The following GALNT9 variants were observed in gnomAD, a reference collection of about 807,000 sequenced individuals.
The protein encoded by GALNT9 is polypeptide N-acetylgalactosaminyltransferase 9, also known as GalNAc transferase 9.
Under a neutral mutation model 63.1 loss-of-function variants are expected in GALNT9, and 47 were observed. The ratio of observed to expected loss-of-function variants is 0.75; its 90% confidence interval spans 0.59 to 0.95. The LOEUF (loss-of-function observed/expected upper bound fraction) is 0.95, where lower values mean the gene tolerates loss of function less well. Ranked by LOEUF, GALNT9 falls within the 40% of genes least tolerant of loss-of-function variation. The pLI, the probability that GALNT9 is intolerant of heterozygous loss-of-function variation, is 0.00. For missense variants in GALNT9, 829 were observed against 874.8 expected (o/e 0.95, Z 0.66); for synonymous variants, 396 against 365.7 (o/e 1.08, Z -0.94).
In GALNT9 at chr12:132,329,417, C is replaced by A; in HGVS notation, c.-214G>T. 2.0e-6 allele frequency: 1 copy of A among 493,204 alleles called. No individual in the cohort carries two copies. The highest frequency in any genetic ancestry group is 3.0e-6 in the Non-Finnish European group (1 of 338,394). 30.6% of individuals were successfully genotyped at this position (493,204 alleles called of 1,614,324 possible). A position where few individuals can be genotyped will look rare whatever the true frequency, so the allele number is the denominator to read the frequency against. On this transcript the variant is annotated 5_prime_UTR_variant, in exon 1 of 11. Transcript: ENST00000328957. ...GCAGAGGGCTGCCCGGGGCTGGGGT[C>A]GCGGGGCGCGGCCGGCATCCCCCGC...
At position 132,329,255 on chromosome 12, in the gene GALNT9, C is replaced by T; in HGVS notation, c.-52G>A. The stretch of plus-strand genomic sequence containing the variant: ...CCGCGGGGCATCCCCAGCATCCCCG[C>T]CCGGGCCTGGGCTTCAGCTTCGGCT... On this transcript the variant is annotated 5_prime_UTR_variant, in exon 1 of 11. Transcript: ENST00000328957. 1 of 1,517,608 alleles carries T rather than the reference C, an allele frequency of 6.6e-7. No individual in the cohort carries two copies. The highest frequency in any genetic ancestry group is 1.2e-5 in the South Asian group (1 of 80,086). The allele number at this position is 1,517,608 out of a possible 1,614,324, so 94.0% of individuals were successfully genotyped here. A position where few individuals can be genotyped will look rare whatever the true frequency, so the allele number is the denominator to read the frequency against.
At chr12:132,256,673 G>GGGGGGACGCTGGA (rs1879131282) in intron 5 of GALNT9, among the ~76,000 whole-genome samples, 1 of 115,188 alleles carries the variant, frequency 8.7e-6, no homozygotes, top group African/African-American at 3.3e-5. Context: ...GGACGCTGGA[G>GGGGGGACGCTGGA]GGGGGACACT....
chr12:132,305,454 GCCTGACCTGGGCACA>G (rs1881562663), intron 1 of GALNT9, among the ~76,000 whole-genome samples: 1 of 29,282 alleles, frequency 3.4e-5, no homozygotes, highest in African/African-American at 2.2e-4. Flanking sequence ...CCCAGACACA[GCCTGACCTGGGCACA>G]CCCTCACCCG....
At chr12:132,303,632 A>C (rs1423489727) in intron 1 of GALNT9, among the ~76,000 whole-genome samples, 10 of 5,006 alleles carry the variant, frequency 2.0e-3, no homozygotes, top group East Asian at 0.013. Context: ...CGGGCACAGA[A>C]TCGCCCAGAC....
intron 1 of GALNT9, among the ~76,000 whole-genome samples, chr12:132,293,646 T>G (rs782220085): frequency 1.3e-5 from 2 of 152,180 alleles, no homozygotes; most frequent in Non-Finnish European, 2.9e-5. Flanking sequence ...GTAGGGACCC[T>G]GTGTACAGTC....
chr12:132,329,384 C>T lies in GALNT9; in HGVS notation c.-181G>A, dbSNP rs1385223526. Reference sequence around the variant, plus strand: ...GCCGGGCCACGGCCGCCGGGGGTCCCCCAGAGCGCAGAGGGCTGCCCGGGG... The same window carrying T: ...GCCGGGCCACGGCCGCCGGGGGTCCTCCAGAGCGCAGAGGGCTGCCCGGGG... On this transcript the variant is annotated 5_prime_UTR_variant, in exon 1 of 11. Transcript: ENST00000328957. 1.2e-5 allele frequency: 11 copies of T among 931,018 alleles called. No individual in the cohort carries two copies. Among genetic ancestry groups the T allele is most frequent in the Non-Finnish European group, 1.3e-5 (9 of 688,922 alleles). 57.7% of individuals were successfully genotyped at this position (931,018 alleles called of 1,614,324 possible).
intron 2 of GALNT9, among the ~76,000 whole-genome samples, chr12:132,269,124 C>A (rs1228621996): frequency 6.6e-6 from 1 of 152,236 alleles, no homozygotes; most frequent in Non-Finnish European, 1.5e-5. Flanking sequence ...AACCTCGGAG[C>A]TCCGCAAAGG....
rs1327832037 is a variant in GALNT9, at chr12:132,230,544, G to A, written c.1077+17366C>T. Among the ~76,000 whole-genome samples the A allele has an allele frequency of 4.6e-5, 7 of 151,582 alleles. No individual in the cohort carries two copies. The East Asian group carries it at 9.7e-4, about 21-fold the overall frequency. ...GCCAAGGCCACGCTGCCTGGCCCTC[G>A]TGGCGGGGGAGTCCTGTTAATCTGT... On this transcript the variant is annotated intron_variant, in intron 6 of 10. Transcript: ENST00000328957.
intron 5 of GALNT9, among the ~76,000 whole-genome samples, chr12:132,248,894 G>GGTGAAGGCAGGATCCGCGGAGCA (rs1178362814): frequency 6.6e-6 from 1 of 152,242 alleles, no homozygotes; most frequent in Non-Finnish European, 1.5e-5. Flanking sequence ...GGACAGCAGT[G>GGTGAAGGCAGGATCCGCGGAGCA]GTGAAGGCAG....
intron 7 of GALNT9, among the ~76,000 whole-genome samples, chr12:132,202,360 G>A (rs1876215200): frequency 6.6e-6 from 1 of 152,168 alleles, no homozygotes; most frequent in Non-Finnish European, 1.5e-5. Flanking sequence ...TCTCAGACAC[G>A]AGTGCACGTG....
chr12:132,269,869 G>A (rs1293455377), intron 2 of GALNT9, among the ~76,000 whole-genome samples: 6 of 152,202 alleles, frequency 3.9e-5, no homozygotes, highest in Non-Finnish European at 7.3e-5. Flanking sequence ...GGAGATGGGC[G>A]CACGGGATCA....
rs1555240115 is a variant in GALNT9, at chr12:132,265,523, GGTA to G, written c.420-2901_420-2899del. On this transcript the variant is annotated intron_variant, in intron 2 of 10. Transcript: ENST00000328957. This position sits in a 1 kb window ranked among gnomAD's most constrained non-coding sequence, Gnocchi z 5.3. ...CCTGAGATGAGCTTGAGGCAGGATC[GGTA>G]GGATGAGGAGGCCACACTGACGTCC... is the stretch of plus-strand genomic sequence containing the variant. Among the ~76,000 whole-genome samples, 1 of 152,180 alleles carries G rather than the reference GGTA, an allele frequency of 6.6e-6. No individual in the cohort carries two copies. Among genetic ancestry groups the G allele is most frequent in the African/African-American group, 2.4e-5 (1 of 41,442 alleles).
Position 132,265,307 on chromosome 12 carries a change from G to C in GALNT9, c.420-2682C>G, listed in dbSNP as rs782318795. On this transcript the variant is annotated intron_variant, in intron 2 of 10. Coordinates refer to ENST00000328957, the MANE Select transcript of GALNT9 (RefSeq NM_001122636.2). The surrounding 1 kb of genome is among the most constrained non-coding windows in gnomAD (Gnocchi z 5.3). The stretch of plus-strand genomic sequence containing the variant: ...GACGGCTGGACCGGTCCTCCCCGTG[G>C]AAGCCTTTCCTTCCGTGGTGGGCTG... Among the ~76,000 whole-genome samples the C allele has an allele frequency of 7.6e-4, 115 of 152,308 alleles. No homozygotes were observed. The highest frequency in any genetic ancestry group is 3.4e-3 in the Middle Eastern group (1 of 294).
Position 132,245,683 on chromosome 12 carries a change from C to A in GALNT9, c.1077+2227G>T, listed in dbSNP as rs1878682564. Reference sequence around the variant, plus strand: ...CCGGCCTGCTGACCCTCGCCCACCACACAGGTTCGCTGTCGTCCCGGCTTT... The same window carrying A: ...CCGGCCTGCTGACCCTCGCCCACCAAACAGGTTCGCTGTCGTCCCGGCTTT... On this transcript the variant is annotated intron_variant, in intron 6 of 10. Transcript: ENST00000328957. This position sits in a 1 kb window ranked among gnomAD's most constrained non-coding sequence, Gnocchi z 6.3. Among the ~76,000 whole-genome samples, 1 of 152,258 alleles carries A rather than the reference C, an allele frequency of 6.6e-6. No individual in the cohort carries two copies.
intron 6 of GALNT9, among the ~76,000 whole-genome samples, chr12:132,227,089 T>C (rs1378691286): frequency 2.0e-5 from 3 of 152,140 alleles, no homozygotes; most frequent in Admixed American, 6.5e-5. Flanking sequence ...GGAGGTGAAT[T>C]TGGCAAATTG....
chr12:132,295,932 AACAGGGACG>A (rs1881049057), intron 1 of GALNT9, among the ~76,000 whole-genome samples: 1 of 140,980 alleles, frequency 7.1e-6, no homozygotes, highest in Non-Finnish European at 1.5e-5. Context: ...ACGGCCTCCG[AACAGGGACG>A]GCCTCCGAAC....
intron 6 of GALNT9, among the ~76,000 whole-genome samples, chr12:132,207,052 A>G (rs1421425292): frequency 6.6e-6 from 1 of 152,254 alleles, no homozygotes; most frequent in Non-Finnish European, 1.5e-5. Flanking sequence ...TTAAAGAGTG[A>G]GACCCTGTCT....
At chr12:132,283,759 A>C (rs1880460577) in intron 2 of GALNT9, 1 of 144,952 alleles carries the variant, frequency 6.9e-6, no homozygotes, top group South Asian at 2.2e-4. Flanking sequence ...ACCCCCCCCC[A>C]GGAGGGGACA....
At chr12:132,256,631 TG>T (rs1879126378) in intron 5 of GALNT9, among the ~76,000 whole-genome samples, 1 of 57,716 alleles carries the variant, frequency 1.7e-5, no homozygotes, top group South Asian at 8.1e-4. Flanking sequence ...GGGGGAACAC[TG>T]GGGGGACGCT....
Sources: gnomAD v4.1 joint callset for allele counts (sites outside exome capture counted in the v4.1 genomes callset) on GRCh38, gnomAD v4.1.1 for gene constraint, Gnocchi (gnomAD v3.1) non-coding constraint, MANE v1.5 for transcripts, NCBI Gene and HGNC (gene_info 2026-07-23, HGNC 2026-07-21) for gene names.